The following EFR3A variants were observed in gnomAD, a reference collection of about 807,000 sequenced individuals.
EFR3A encodes the protein EFR3 homolog A.
In EFR3A, 76 loss-of-function variants were observed where a neutral mutation model predicts 104.4. The observed-to-expected ratio is 0.73, with a 90% CI of 0.60 to 0.88. The LOEUF (loss-of-function observed/expected upper bound fraction) is 0.88, where lower values mean the gene tolerates loss of function less well. Among genes scored for constraint, EFR3A ranks in the 40% least tolerant of loss-of-function variants. EFR3A has a pLI of 0.00. For missense variants in EFR3A, 985 were observed against 1,012.5 expected, an observed-to-expected ratio of 0.97 and a Z score of 0.37; for synonymous variants, 330 against 330.0, an observed-to-expected ratio of 1.00 and a Z score of 0.00.
intron 8 of EFR3A, among the ~76,000 whole-genome samples, chr8:131,966,719 C>T (rs931655691): frequency 6.6e-6 from 1 of 152,054 alleles, no homozygotes; most frequent in Admixed American, 6.6e-5. Context: ...AGTTTGGCTC[C>T]AGGGCTTATG....
At chr8:131,951,675 T>C (rs1296838268) in intron 5 of EFR3A, among the ~76,000 whole-genome samples, 3 of 152,092 alleles carry the variant, frequency 2.0e-5, no homozygotes, top group Non-Finnish European at 4.4e-5. Context: ...CATTACTGCT[T>C]CCAAAAAGAA....
chr8:131,966,532 A>T (rs1170453647), intron 8 of EFR3A, among the ~76,000 whole-genome samples: 2 of 152,186 alleles, frequency 1.3e-5, no homozygotes, highest in African/African-American at 4.8e-5. Flanking sequence ...AATAGACACA[A>T]TTTGGGTGCT....
chr8:131,908,084 G>A lies in EFR3A; in HGVS notation c.10+3762G>A, dbSNP rs182443789. Among the ~76,000 whole-genome samples, 97 of 151,310 alleles carry A rather than the reference G, an allele frequency of 6.4e-4. 1 individual carries two copies. The East Asian group carries it at 0.016, about 25-fold the overall frequency. On this transcript the variant is annotated intron_variant, in intron 1 of 22. Transcript: ENST00000254624. The stretch of plus-strand genomic sequence containing the variant: ...TTTTTTTTTTTTCTTTTTTTGAGAG[G>A]GAGTCTCGCTCTGTCGCCCAGGCTG...
intron 22 of EFR3A, among the ~76,000 whole-genome samples, chr8:132,007,262 G>T (rs1166134057): frequency 2.6e-5 from 4 of 151,810 alleles, no homozygotes; most frequent in Non-Finnish European, 5.9e-5. Flanking sequence ...AACCCTACTA[G>T]AGTTAATACA....
chr8:131,904,757 A>G (rs1816157512), intron 1 of EFR3A, among the ~76,000 whole-genome samples: 1 of 151,956 alleles, frequency 6.6e-6, no homozygotes, highest in African/African-American at 2.4e-5. Context: ...CGGCCGCCAG[A>G]CAGACCCCCG....
At chr8:131,971,087 A>G (rs111613276) in intron 10 of EFR3A, among the ~76,000 whole-genome samples, 139 of 152,314 alleles carry the variant, frequency 9.1e-4, no homozygotes, top group African/African-American at 3.3e-3. Flanking sequence ...TATTTTTCCA[A>G]AAAATAAATG....
chr8:132,009,903 A>T (rs1285928008), intron 22 of EFR3A, among the ~76,000 whole-genome samples: 2 of 152,058 alleles, frequency 1.3e-5, no homozygotes, highest in Non-Finnish European at 2.9e-5. Flanking sequence ...TAAATAATGA[A>T]TTGGAGGAAA....
rs148528328 is a variant in EFR3A, at chr8:131,968,347, G to A, written c.908G>A (p.Arg303His). ...GAGATTCTAGGACACCTTGATGCTCGTAAAAAAGATGCTCCCCGGGTTCGA... is the reference window on the plus strand; with the variant it reads ...GAGATTCTAGGACACCTTGATGCTCATAAAAAAGATGCTCCCCGGGTTCGA... ...IQEILGHLDA[R>H]KKDAPRVRAG... Residue 303 changes from arginine to histidine, a missense_variant, in exon 9 of 23, where the codon CGT becomes CAT. By Grantham distance (29) the Arg-to-His change is conservative (BLOSUM62 0). Coordinates refer to ENST00000254624, the MANE Select transcript of EFR3A (RefSeq NM_015137.6). 35 of 1,613,266 alleles carry A rather than the reference G, an allele frequency of 2.2e-5. No homozygotes were observed. The highest frequency in any genetic ancestry group is 2.8e-5 in the Non-Finnish European group (33 of 1,179,572).
Position 132,001,745 on chromosome 8 carries a change from T to A in EFR3A, c.2158-14T>A, listed in dbSNP as rs76741420. ...CCTTTTTAACTCTCGATTTCACTTA[T>A]CACTTTTCTCTAGGTTAGTAACACT... On this transcript the variant is annotated splice_polypyrimidine_tract_variant and intron_variant, in intron 19 of 22. Coordinates refer to ENST00000254624, the MANE Select transcript of EFR3A (RefSeq NM_015137.6). 1.2e-6 allele frequency: 2 copies of A among 1,611,044 alleles called. No individual in the cohort carries two copies. Among genetic ancestry groups the A allele is most frequent in the East Asian group, 2.2e-5 (1 of 44,788 alleles).
intron 1 of EFR3A, among the ~76,000 whole-genome samples, chr8:131,930,266 A>G (rs542554295): frequency 5.9e-5 from 9 of 152,162 alleles, no homozygotes; most frequent in African/African-American, 1.9e-4. Flanking sequence ...AGAGCCTACT[A>G]GGTTCCTTTT....
At chr8:131,938,108 C>T in intron 1 of EFR3A, 2 of 391,536 alleles carry the variant, frequency 5.1e-6, no homozygotes, top group East Asian at 3.6e-5. Flanking sequence ...AGGTAAGTTA[C>T]AGTACTTCTG....
At chr8:131,944,183 T>C (rs1417072239) in intron 2 of EFR3A, among the ~76,000 whole-genome samples, 1 of 152,076 alleles carries the variant, frequency 6.6e-6, no homozygotes, top group Non-Finnish European at 1.5e-5. Flanking sequence ...ACATCATCTT[T>C]TAAAAGGCAG....
intron 6 of EFR3A, among the ~76,000 whole-genome samples, chr8:131,954,909 CT>C (rs1262269825): frequency 1.3e-5 from 2 of 152,042 alleles, no homozygotes; most frequent in Non-Finnish European, 2.9e-5. Flanking sequence ...TTCATGTTAA[CT>C]TACACTAATT....
chr8:131,970,661 T>C lies in EFR3A; in HGVS notation c.1159+18T>C. ...AACAATAGGTGAGTACATTTCACTTTTCAAAACTATCATGTAAAACAGTGA... is the reference window on the plus strand; with the variant it reads ...AACAATAGGTGAGTACATTTCACTTCTCAAAACTATCATGTAAAACAGTGA... On this transcript the variant is annotated intron_variant, in intron 10 of 22. Transcript: ENST00000254624. 6.2e-7 allele frequency: 1 copy of C among 1,604,266 alleles called. No individual in the cohort carries two copies. Among genetic ancestry groups the C allele is most frequent in the Admixed American group, 1.7e-5 (1 of 58,528 alleles).
intron 1 of EFR3A, among the ~76,000 whole-genome samples, chr8:131,911,164 G>A (rs1816494278): frequency 6.6e-6 from 1 of 152,166 alleles, no homozygotes; most frequent in Admixed American, 6.5e-5. Flanking sequence ...AATCACCACA[G>A]TGGCAGTTCT....
Position 131,984,228 on chromosome 8 carries a change from T to G in EFR3A, c.1665T>G (p.Leu555=), listed in dbSNP as rs752821039. Residue 555 remains leucine (L), a synonymous_variant, in exon 15 of 23, where the codon CTT becomes CTG. Transcript: ENST00000254624. The stretch of plus-strand genomic sequence containing the variant: ...ACTATGAACTACTTTATACTTCTCT[T>G]GCTCTTATAACTATTGAACTGGCTA... ...QKNYELLYTS[L]ALITIELANE... is the part of the protein sequence containing the mutation. 3 of 1,611,692 alleles carry G rather than the reference T, an allele frequency of 1.9e-6. No individual in the cohort carries two copies. Among genetic ancestry groups the G allele is most frequent in the Non-Finnish European group, 2.5e-6 (3 of 1,178,790 alleles).
At chr8:131,984,112 C>A in intron 14 of EFR3A, 27 bp from the exon 15 acceptor site, 7 of 1,567,862 alleles carry the variant, frequency 4.5e-6, no homozygotes, top group Non-Finnish European at 6.0e-6. Flanking sequence ...AGCAAAATTA[C>A]CTTTGTCCTC....
chr8:131,955,472 T>C (rs573572857), intron 6 of EFR3A, among the ~76,000 whole-genome samples: 5 of 152,244 alleles, frequency 3.3e-5, no homozygotes, highest in Admixed American at 6.5e-5. Context: ...GATTTTGCTA[T>C]AAATATAGAA....
At chr8:131,981,796 G>A (rs917510245) in intron 14 of EFR3A, among the ~76,000 whole-genome samples, 3 of 151,826 alleles carry the variant, frequency 2.0e-5, no homozygotes, top group African/African-American at 7.3e-5. Flanking sequence ...TCTTATATAC[G>A]GAGTCTGTTT....
Sources: allele counts gnomAD v4.1 joint callset (sites outside exome capture counted in the v4.1 genomes callset), GRCh38; gene constraint gnomAD v4.1.1; transcripts MANE v1.5; gene names NCBI Gene and HGNC (gene_info 2026-07-23, HGNC 2026-07-21).